Variants in SLC25A28 observed in about 807,000 individuals in gnomAD.
SLC25A28 encodes the protein solute carrier family 25 member 28.
In SLC25A28, 10 loss-of-function variants were observed where a neutral mutation model predicts 31.9. The observed-to-expected ratio is 0.31, with a 90% CI of 0.19 to 0.53. The LOEUF (loss-of-function observed/expected upper bound fraction) is 0.53. Ranked by LOEUF, SLC25A28 falls within the 20% of genes least tolerant of loss-of-function variation. The probability of loss-of-function intolerance (pLI) is 0.95; values close to 1 mark genes in which losing one functional copy is unlikely to be tolerated. For missense variants in SLC25A28, 256 were observed against 490.3 expected, an observed-to-expected ratio of 0.52 and a Z score of 4.51; for synonymous variants, 208 against 203.6, an observed-to-expected ratio of 1.02 and a Z score of -0.19.
chr10:99,643,301 A>G, the SLC25A28 span, among the ~76,000 whole-genome samples: 130,014 of 152,152 alleles, frequency 0.85, 55,647 homozygotes, highest in Middle Eastern at 0.92. Context: ...TTGGGAGGCT[A>G]TATGTGTCCA....
At chr10:99,648,111 G>A in the SLC25A28 span, among the ~76,000 whole-genome samples, 1 of 151,570 alleles carries the variant, frequency 6.6e-6, no homozygotes, top group Admixed American at 6.6e-5. Context: ...CAATTCTCAT[G>A]CCTCAGCCTT....
chr10:99,616,322 A>G, intron 1 of SLC25A28: 1 of 779,678 alleles, frequency 1.3e-6, no homozygotes. Context: ...CAAAATTGTC[A>G]TCTATAACAT....
chr10:99,657,914 A>G, the SLC25A28 span, among the ~76,000 whole-genome samples: 1 of 152,140 alleles, frequency 6.6e-6, no homozygotes, highest in Non-Finnish European at 1.5e-5. Flanking sequence ...GGCCAGGTGC[A>G]GCTGCTCATC....
chr10:99,616,318 T>C (rs1472190217), intron 1 of SLC25A28: 1 of 787,154 alleles, frequency 1.3e-6, no homozygotes, highest in East Asian at 1.3e-4. Flanking sequence ...GCTTCAAAAT[T>C]GTCATCTATA....
the SLC25A28 span, among the ~76,000 whole-genome samples, chr10:99,627,669 T>A: frequency 2.6e-5 from 4 of 152,140 alleles, no homozygotes; most frequent in Admixed American, 6.5e-5. Context: ...CTCAAACTCC[T>A]GAGCTCAAGT....
At position 99,620,178 on chromosome 10, in the gene SLC25A28, A is replaced by G. The variant is rs764209972; in HGVS notation, c.158T>C (p.Val53Ala). 1.3e-6 allele frequency: 2 copies of G among 1,522,406 alleles called. No individual in the cohort carries two copies. Among genetic ancestry groups the G allele is most frequent in the Non-Finnish European group, 1.8e-6 (2 of 1,140,710 alleles). 94.3% of individuals were successfully genotyped at this position (1,522,406 alleles called of 1,614,324 possible). A position where few individuals can be genotyped will look rare whatever the true frequency, so the allele number is the denominator to read the frequency against. Residue 53 changes from valine (V) to alanine (A), a missense_variant, in exon 1 of 4, where the codon GTA (valine) becomes GCA (alanine). This residue lies in a region of SLC25A28 where 41 missense variants were observed against 41.7 expected (regional missense o/e 0.98). Transcript: ENST00000370495. ...CGGGCCGGAGTCCGGATCTTGTCGTACCGGGGGCCTGCAGGCCCCGGCCTC... is the reference window on the plus strand; with the variant it reads ...CGGGCCGGAGTCCGGATCTTGTCGTGCCGGGGGCCTGCAGGCCCCGGCCTC... ...GGEAGACRPP[V>A]RQDPDSGPDY...
the SLC25A28 span, among the ~76,000 whole-genome samples, chr10:99,652,535 T>A: frequency 5.9e-5 from 9 of 152,122 alleles, no homozygotes; most frequent in African/African-American, 2.2e-4. Context: ...TTTTGCCCAA[T>A]ACCTCAGGCC....
In SLC25A28 at chr10:99,611,058, C is replaced by T; in HGVS notation, c.886G>A (p.Ala296Thr). ...KTLLNTQESL[A>T]LNSHITGHIT... ...TGTCCTGTAATGTGTGAGTTCAAAG[C>T]CAAGGACTCCTGGGTGTTGAGCAGT... is the stretch of plus-strand genomic sequence containing the variant. Residue 296 changes from alanine (A) to threonine (T), a missense_variant, in exon 4 of 4, where the codon GCT becomes ACT. This residue lies in a region of SLC25A28 where 158 missense variants were observed against 379.1 expected (regional missense o/e 0.42). Coordinates refer to ENST00000370495, the MANE Select transcript of SLC25A28 (RefSeq NM_031212.4). This position sits in a 1 kb window ranked among gnomAD's most constrained non-coding sequence, Gnocchi z 5.5. 2.5e-6 allele frequency: 4 copies of T among 1,614,148 alleles called. No homozygotes were observed. The highest frequency in any genetic ancestry group is 2.5e-6 in the Non-Finnish European group (3 of 1,180,022).
At chr10:99,620,667 T>C, upstream of SLC25A28, 1 of 987,604 alleles carries the variant, frequency 1.0e-6, no homozygotes, top group Non-Finnish European at 1.2e-6. Flanking sequence ...GGCCGACATG[T>C]GCGATCAACC....
intron 1 of SLC25A28, 45 bp downstream of exon 1, chr10:99,620,000 T>C: frequency 1.3e-6 from 2 of 1,516,184 alleles, no homozygotes; most frequent in Non-Finnish European, 1.8e-6. Context: ...GACCCAGGGG[T>C]CGGGTCAGCC....
the SLC25A28 span, among the ~76,000 whole-genome samples, chr10:99,659,068 G>C: frequency 6.6e-6 from 1 of 152,184 alleles, no homozygotes; most frequent in Admixed American, 6.5e-5. This position sits in a 1 kb window ranked among gnomAD's most constrained non-coding sequence, Gnocchi z 4.1. Flanking sequence ...TGGTAGGGAG[G>C]GTCAGTGGGC....
At chr10:99,615,376 G>C in intron 1 of SLC25A28, 1 of 793,522 alleles carries the variant, frequency 1.3e-6, no homozygotes, top group Non-Finnish European at 1.5e-6. Flanking sequence ...AAAAAAAAAA[G>C]CTTGAACCTT....
the SLC25A28 span, among the ~76,000 whole-genome samples, chr10:99,625,919 C>T: frequency 1.3e-5 from 2 of 152,224 alleles, no homozygotes; most frequent in Non-Finnish European, 2.9e-5. Flanking sequence ...ATGAGGCATC[C>T]TATCACCTCA....
chr10:99,616,506 T>C (rs1305244755), intron 1 of SLC25A28: 10 of 984,974 alleles, frequency 1.0e-5, no homozygotes, highest in Non-Finnish European at 1.2e-5. Context: ...CATTGCCTCC[T>C]GTATAAGTCA....
chr10:99,657,965 T>A, the SLC25A28 span, among the ~76,000 whole-genome samples: 1 of 152,126 alleles, frequency 6.6e-6, no homozygotes, highest in African/African-American at 2.4e-5. Context: ...ACAGGAAGAC[T>A]GCTTGAGCCC....
the SLC25A28 span, among the ~76,000 whole-genome samples, chr10:99,625,892 C>T: frequency 6.6e-6 from 1 of 152,224 alleles, no homozygotes; most frequent in African/African-American, 2.4e-5. Flanking sequence ...TTAGAAGAAA[C>T]CTGTGTCCTT....
At chr10:99,652,575 G>A in the SLC25A28 span, among the ~76,000 whole-genome samples, 3 of 152,128 alleles carry the variant, frequency 2.0e-5, no homozygotes, top group Non-Finnish European at 4.4e-5. Context: ...CTAGGGCCAG[G>A]AGTGGAGTCA....
At chr10:99,658,653 A>G in the SLC25A28 span, among the ~76,000 whole-genome samples, 1 of 152,222 alleles carries the variant, frequency 6.6e-6, no homozygotes, top group South Asian at 2.1e-4. Context: ...AATGAGCAAA[A>G]CAGGACGCGT....
At chr10:99,630,338 T>C in the SLC25A28 span, among the ~76,000 whole-genome samples, 5 of 152,062 alleles carry the variant, frequency 3.3e-5, no homozygotes, top group Admixed American at 3.3e-4. Context: ...TTCACCACGT[T>C]GGCGAGGCTG....
Sources: allele counts gnomAD v4.1 joint callset (sites outside exome capture counted in the v4.1 genomes callset), GRCh38; gene constraint gnomAD v4.1.1; regional missense constraint gnomAD v4.1.1; non-coding constraint Gnocchi (gnomAD v3.1); transcripts MANE v1.5; gene names NCBI Gene and HGNC (gene_info 2026-07-23, HGNC 2026-07-21).